Variants in SSBP4 observed in about 807,000 individuals in gnomAD.
The protein encoded by SSBP4 is single-stranded DNA-binding protein 4.
SSBP4 carries 33 observed loss-of-function variants against 64.6 expected under a neutral mutation model. The observed-to-expected ratio is 0.51, with a 90% CI of 0.39 to 0.68. The LOEUF (loss-of-function observed/expected upper bound fraction) is 0.68. Among genes scored for constraint, SSBP4 ranks in the 30% least tolerant of loss-of-function variants. The probability of loss-of-function intolerance (pLI) is 0.00; values close to 1 mark genes in which losing one functional copy is unlikely to be tolerated. For synonymous variants in SSBP4, 243 were observed against 224.0 expected (o/e 1.08, Z -0.76); for missense variants, 583 against 566.8 (o/e 1.03, Z -0.29).
intron 6 of SSBP4, 26 bp from the exon 7 acceptor site, chr19:18,431,621 T>C: frequency 6.5e-7 from 1 of 1,532,138 alleles, no homozygotes; most frequent in Non-Finnish European, 8.8e-7. Context: ...TGGGGGAAGG[T>C]GCTGATCCCC....
At chr19:18,424,309 CTG>C (rs1972688577) in intron 1 of SSBP4, among the ~76,000 whole-genome samples, 1 of 152,334 alleles carries the variant, frequency 6.6e-6, no homozygotes, top group East Asian at 1.9e-4. Flanking sequence ...ACTGGGGTGA[CTG>C]GGGCCCAGGA....
chr19:18,405,591 C>T, the SSBP4 span, among the ~76,000 whole-genome samples: 2 of 152,128 alleles, frequency 1.3e-5, no homozygotes, highest in African/African-American at 4.8e-5. Flanking sequence ...GCACTGCATC[C>T]TCAGCCTCTG....
intron 1 of SSBP4, 32 bp downstream of exon 1, chr19:18,419,739 T>C: frequency 8.9e-7 from 1 of 1,127,584 alleles, no homozygotes; most frequent in African/African-American, 1.7e-5. Flanking sequence ...GGGCTCGGCG[T>C]CCGCGCTCTT....
upstream of SSBP4, among the ~76,000 whole-genome samples, chr19:18,415,238 G>A (rs1184955225): frequency 6.6e-6 from 1 of 152,214 alleles, no homozygotes; most frequent in African/African-American, 2.4e-5. Flanking sequence ...CGCCTCCCAC[G>A]CACGCACGGC....
chr19:18,433,103 G>GCA (rs767048343), intron 14 of SSBP4, 32 bp from the exon 15 acceptor site: 3 of 1,612,916 alleles, frequency 1.9e-6, no homozygotes, highest in Non-Finnish European at 2.5e-6. Context: ...GGAATGGGTG[G>GCA]CCCGAGTCCC....
At chr19:18,429,217 T>C (rs1016273539) in intron 4 of SSBP4, among the ~76,000 whole-genome samples, 9 of 151,616 alleles carry the variant, frequency 5.9e-5, no homozygotes, top group African/African-American at 1.2e-4. Flanking sequence ...GGCCCCTTCC[T>C]CTCTCGCCCT....
chr19:18,424,366 T>C (rs933239779), intron 1 of SSBP4, among the ~76,000 whole-genome samples: 2 of 151,984 alleles, frequency 1.3e-5, no homozygotes, highest in Admixed American at 6.6e-5. Context: ...AGACTCCAAG[T>C]CCCCGCCCCA....
chr19:18,429,239 G>A (rs1379603416), intron 4 of SSBP4, among the ~76,000 whole-genome samples: 1 of 152,044 alleles, frequency 6.6e-6, no homozygotes, highest in Non-Finnish European at 1.5e-5. Context: ...CGAGGCGGGG[G>A]AGGGGGGCGG....
intron 1 of SSBP4, among the ~76,000 whole-genome samples, chr19:18,422,115 C>T (rs1400422766): frequency 1.3e-5 from 2 of 152,104 alleles, no homozygotes; most frequent in African/African-American, 2.4e-5. Context: ...GAGCTGAGAT[C>T]GTGCCACTGC....
At chr19:18,428,228 T>G (rs2144744866) in intron 4 of SSBP4, among the ~76,000 whole-genome samples, 1 of 152,290 alleles carries the variant, frequency 6.6e-6, no homozygotes, top group South Asian at 2.1e-4. Flanking sequence ...CACACACTTC[T>G]GAGGGTCCCC....
At chr19:18,411,773 A>G in the SSBP4 span, among the ~76,000 whole-genome samples, 1 of 152,176 alleles carries the variant, frequency 6.6e-6, no homozygotes, top group Admixed American at 6.5e-5. Context: ...GTTAAGCCAA[A>G]GGACCCCCAG....
intron 4 of SSBP4, 102 bp from the exon 5 acceptor site, chr19:18,430,739 T>G (rs952985087): frequency 2.0e-6 from 2 of 1,016,432 alleles, no homozygotes; most frequent in Middle Eastern, 2.2e-4. Flanking sequence ...GCCAGCTCGC[T>G]GTCCCATGGG....
rs751400638 is a variant in SSBP4 at position 18,433,019 on chromosome 19, C to T, written c.888C>T (p.Ile296=). The T allele has an allele frequency of 3.0e-5, 49 of 1,614,038 alleles. 1 individual carries two copies. The South Asian group carries it at 4.7e-4, about 16-fold the overall frequency. Residue 296 remains isoleucine, a synonymous_variant, in exon 14 of 18, where the codon ATC becomes ATT. Transcript: ENST00000270061. ...ACATGTACACTATCATGAACCCCAT[C>T]GGGCAGGGCGCCGGCAGGGCTAATG... ...SENMYTIMNP[I]GQGAGRANFP...
At chr19:18,407,299 G>T in the SSBP4 span, among the ~76,000 whole-genome samples, 1 of 151,360 alleles carries the variant, frequency 6.6e-6, no homozygotes, top group Non-Finnish European at 1.5e-5. Flanking sequence ...CGGCCTCCCA[G>T]AGTGCTGGGA....
intron 1 of SSBP4, among the ~76,000 whole-genome samples, chr19:18,420,625 C>T (rs1187675720): frequency 1.3e-5 from 2 of 151,918 alleles, no homozygotes; most frequent in African/African-American, 2.4e-5. Flanking sequence ...TTTGGGAGGC[C>T]GAGGCGGTCG....
At chr19:18,417,226 C>G (rs1039043235), upstream of SSBP4, among the ~76,000 whole-genome samples, 1 of 152,232 alleles carries the variant, frequency 6.6e-6, no homozygotes, top group Non-Finnish European at 1.5e-5. The surrounding 1 kb of genome is among the most constrained non-coding windows in gnomAD (Gnocchi z 5.4). Context: ...CCTCCCCCAT[C>G]AGATTCTGAG....
the SSBP4 span, among the ~76,000 whole-genome samples, chr19:18,407,683 G>A: frequency 1.0e-3 from 157 of 152,006 alleles, 2 homozygotes; most frequent in Admixed American, 0.01. Context: ...CACCCACCTC[G>A]GCCTCCCAAA....
At chr19:18,413,994 G>A (rs946574266), upstream of SSBP4, among the ~76,000 whole-genome samples, 16 of 151,692 alleles carry the variant, frequency 1.1e-4, no homozygotes, top group South Asian at 4.2e-4. Context: ...TCCAGCCTGG[G>A]CAACAGTGCA....
chr19:18,422,445 C>T (rs951277112), intron 1 of SSBP4, among the ~76,000 whole-genome samples: 5 of 152,196 alleles, frequency 3.3e-5, no homozygotes, highest in Admixed American at 1.3e-4. Flanking sequence ...TTCCATTTCA[C>T]GGAGAGGGTC....
Sources: gnomAD v4.1 joint callset for allele counts (sites outside exome capture counted in the v4.1 genomes callset) on GRCh38, gnomAD v4.1.1 for gene constraint, Gnocchi (gnomAD v3.1) non-coding constraint, MANE v1.5 for transcripts, NCBI Gene and HGNC (gene_info 2026-07-23, HGNC 2026-07-21) for gene names.